JAG1: variants seen among roughly 807,000 people sequenced by gnomAD.
JAG1 encodes the protein jagged canonical Notch ligand 1.
JAG1 carries 23 observed loss-of-function variants against 148.7 expected under a neutral mutation model. The observed-to-expected ratio is 0.15, with a 90% confidence interval of 0.11 to 0.22. JAG1 has a LOEUF of 0.22. JAG1 is among the 10% of genes least tolerant of loss of function. The pLI is 1.00. For missense variants in JAG1, 1,054 were observed against 1,611.2 expected (o/e 0.65, Z 5.92); for synonymous variants, 572 against 598.3 (o/e 0.96, Z 0.64).
chr20:10,666,253 A>C (rs1380824079), intron 2 of JAG1, among the ~76,000 whole-genome samples: 1 of 152,184 alleles, frequency 6.6e-6, no homozygotes, highest in Non-Finnish European at 1.5e-5. Context: ...TCAGCAATCA[A>C]GATAATTTAA....
Position 10,645,817 on chromosome 20 carries a change from C to A in JAG1, c.1999+154G>T. On this transcript the variant is annotated intron_variant, in intron 15 of 25. Coordinates refer to ENST00000254958, the MANE Select transcript of JAG1 (RefSeq NM_000214.3). This position sits in a 1 kb window ranked among gnomAD's most constrained non-coding sequence, Gnocchi z 6.1. ...AAGCTATCATCAGGACTCATAAATG[C>A]AAATGAGACACAAGTGATACTGTCC... 1.4e-6 allele frequency: 1 copy of A among 708,424 alleles called. No homozygotes were observed. Among genetic ancestry groups the A allele is most frequent in the Non-Finnish European group, 2.6e-6 (1 of 391,452 alleles). 43.9% of individuals were successfully genotyped at this position (708,424 alleles called of 1,614,324 possible). A position where few individuals can be genotyped will look rare whatever the true frequency, so the allele number is the denominator to read the frequency against.
rs116310079 is a variant in JAG1, at chr20:10,642,207, G to A, written c.2572+281C>T. 0.011 allele frequency among the ~76,000 whole-genome samples: 1,697 copies of A among 152,214 alleles called. 41 individuals carry two copies. The highest frequency in any genetic ancestry group is 0.038 in the African/African-American group (1,579 of 41,540). On this transcript the variant is annotated intron_variant, in intron 21 of 25. Coordinates refer to ENST00000254958, the MANE Select transcript of JAG1 (RefSeq NM_000214.3). ...GGTCGAACTGAACCCAACCCACAGC[G>A]CAATCTCTCTGCCCATGCTGCATAT...
chr20:10,656,364 TAAAAG>T (rs1198358202), intron 5 of JAG1, 29 bp downstream of exon 5: 2 of 1,563,494 alleles, frequency 1.3e-6, no homozygotes, highest in African/African-American at 1.4e-5. Context: ...AAAGGAAAAT[TAAAAG>T]AAATCTCACA....
In JAG1 at chr20:10,651,514, C is replaced by T. The variant is rs926713758; in HGVS notation, c.1120+67G>A. 9 of 1,072,504 alleles carry T rather than the reference C, an allele frequency of 8.4e-6. No individual in the cohort carries two copies. In the African/African-American group the frequency reaches 1.4e-4, roughly 17 times the overall value. 66.4% of individuals were successfully genotyped at this position (1,072,504 alleles called of 1,614,324 possible). Reference sequence around the variant, plus strand: ...ATTCACACTGGACAAGCCTAGGTACCTCTCCCCAGCGTGGTATCTTGGCAC... The same window carrying T: ...ATTCACACTGGACAAGCCTAGGTACTTCTCCCCAGCGTGGTATCTTGGCAC... On this transcript the variant is annotated intron_variant, in intron 8 of 25. Transcript: ENST00000254958.
chr20:10,641,161 G>T lies in JAG1; in HGVS notation c.3000C>A (p.Ile1000=), dbSNP rs373759023. The change falls in exon 24 of 26, where the codon ATC becomes ATA. Residue 1000 remains isoleucine (I), a synonymous_variant. Transcript: ENST00000254958. ...KNVSAEYSIY[I]ACEPSPSANN... is the part of the protein sequence containing the mutation. ...TCGCTGAAGGGGAAGGCTCGCAAGC[G>T]ATGTAGATTGAATATTCAGCGGAAA... 6.2e-7 allele frequency: 1 copy of T among 1,613,986 alleles called. No homozygotes were observed. The highest frequency in any genetic ancestry group is 1.7e-5 in the Admixed American group (1 of 60,028).
rs117557835 is a variant in JAG1 at position 10,662,675 on chromosome 20, A to G, written c.439+1288T>C. Reference sequence around the variant, plus strand: ...ACGTTTGTGGCAGGGAGGGGAGAACAAACAGGTGTCTATGACCCTGACTGG... The same window carrying G: ...ACGTTTGTGGCAGGGAGGGGAGAACGAACAGGTGTCTATGACCCTGACTGG... On this transcript the variant is annotated intron_variant, in intron 3 of 25. Coordinates refer to ENST00000254958, the MANE Select transcript of JAG1 (RefSeq NM_000214.3). 9.0e-3 allele frequency among the ~76,000 whole-genome samples: 1,373 copies of G among 152,258 alleles called. 19 individuals carry two copies. Among genetic ancestry groups the G allele is most frequent in the Non-Finnish European group, 0.011 (726 of 68,016 alleles).
chr20:10,649,155 A>C (rs1316689833), intron 10 of JAG1, 48 bp from the exon 11 acceptor site: 1 of 1,259,804 alleles, frequency 7.9e-7, no homozygotes, highest in Non-Finnish European at 1.2e-6. Flanking sequence ...TTACAGTGAA[A>C]TTGGGCTTAA....
intron 21 of JAG1, among the ~76,000 whole-genome samples, chr20:10,642,219 C>T (rs2067277454): frequency 6.6e-6 from 1 of 152,164 alleles, no homozygotes; most frequent in Admixed American, 6.5e-5. Flanking sequence ...AATCTCTCTG[C>T]CCATGCTGCA....
chr20:10,665,467 G>A (rs1464765152), intron 2 of JAG1, among the ~76,000 whole-genome samples: 1 of 152,174 alleles, frequency 6.6e-6, no homozygotes, highest in East Asian at 1.9e-4. Context: ...CAAATTCATT[G>A]CTGTTGTTAC....
rs1461614891 is a variant in JAG1, at chr20:10,650,370, A to G, written c.1121-10T>C. On this transcript the variant is annotated splice_polypyrimidine_tract_variant and intron_variant, in intron 8 of 25. Coordinates refer to ENST00000254958, the MANE Select transcript of JAG1 (RefSeq NM_000214.3). ...GAACAGTCATCAATGTCTGGTCAAC[A>G]AGAAAAGGAGGGGGTTGACAATTTA... 1 of 1,490,522 alleles carries G rather than the reference A, an allele frequency of 6.7e-7. No individual in the cohort carries two copies. The highest frequency in any genetic ancestry group is 1.1e-5 in the South Asian group (1 of 88,152). The allele number at this position is 1,490,522 out of a possible 1,614,324, so 92.3% of individuals were successfully genotyped here. A position where few individuals can be genotyped will look rare whatever the true frequency, so the allele number is the denominator to read the frequency against.
At chr20:10,659,509 T>C (rs2067400452) in intron 3 of JAG1, among the ~76,000 whole-genome samples, 1 of 152,068 alleles carries the variant, frequency 6.6e-6, no homozygotes, top group Admixed American at 6.5e-5. Context: ...AGAAAAGCTT[T>C]TTGTCCATTT....
At chr20:10,670,061 C>T (rs1411511999) in intron 2 of JAG1, among the ~76,000 whole-genome samples, 6 of 152,110 alleles carry the variant, frequency 3.9e-5, no homozygotes, top group African/African-American at 4.8e-5. Flanking sequence ...GGGGACACCA[C>T]GTGGGACATA....
chr20:10,645,227 T>A lies in JAG1; in HGVS notation c.2143A>T (p.Asn715Tyr). ...TCATCATAGCAGGTGCCACCGTTGTTGCACGTGGCCTCATCACACTGACTG... is the reference window on the plus strand; with the variant it reads ...TCATCATAGCAGGTGCCACCGTTGTAGCACGTGGCCTCATCACACTGACTG... ...RDSQCDEATC[N>Y]NGGTCYDEGD... The change falls in exon 17 of 26, where the codon AAC (asparagine) becomes TAC (tyrosine). Residue 715 changes from asparagine (N) to tyrosine (Y), a missense_variant. By Grantham distance (143) the Asn-to-Tyr change is moderately radical (BLOSUM62 -2). Transcript: ENST00000254958. The surrounding 1 kb of genome is among the most constrained non-coding windows in gnomAD (Gnocchi z 6.1). 1 of 1,614,038 alleles carries A rather than the reference T, an allele frequency of 6.2e-7. No individual in the cohort carries two copies. The highest frequency in any genetic ancestry group is 8.5e-7 in the Non-Finnish European group (1 of 1,179,990).
chr20:10,645,529 G>T lies in JAG1; in HGVS notation c.2000-60C>A. 1 of 1,361,142 alleles carries T rather than the reference G, an allele frequency of 7.3e-7. No individual in the cohort carries two copies. The highest frequency in any genetic ancestry group is 1.4e-5 in the African/African-American group (1 of 70,216). 84.3% of individuals were successfully genotyped at this position (1,361,142 alleles called of 1,614,324 possible). Reference sequence around the variant, plus strand: ...AGATCCAGGACCATTCACGACAGGCGAGAGCCAAGCCTTTCCTACTGCTTA... The same window carrying T: ...AGATCCAGGACCATTCACGACAGGCTAGAGCCAAGCCTTTCCTACTGCTTA... On this transcript the variant is annotated intron_variant, in intron 15 of 25. Coordinates refer to ENST00000254958, the MANE Select transcript of JAG1 (RefSeq NM_000214.3). This position sits in a 1 kb window ranked among gnomAD's most constrained non-coding sequence, Gnocchi z 6.1.
intron 3 of JAG1, among the ~76,000 whole-genome samples, chr20:10,661,762 TG>T: frequency 6.6e-6 from 1 of 152,084 alleles, no homozygotes; most frequent in East Asian, 1.9e-4. Flanking sequence ...CAGATAAAGG[TG>T]GACCAGACGA....
At chr20:10,644,280 A>G (rs755034660) in intron 19 of JAG1, 77 bp downstream of exon 19, 1 of 666,816 alleles carries the variant, frequency 1.5e-6, no homozygotes, top group Non-Finnish European at 2.4e-6. Context: ...TGATTCTCAC[A>G]CACACACACA....
chr20:10,656,353 T>A lies in JAG1; in HGVS notation c.755+45A>T, dbSNP rs375081445. 11 of 1,477,930 alleles carry A rather than the reference T, an allele frequency of 7.4e-6. No individual in the cohort carries two copies. The African/African-American group carries it at 9.7e-5, about 13-fold the overall frequency. 91.6% of individuals were successfully genotyped at this position (1,477,930 alleles called of 1,614,324 possible). ...CAATAAAGTCAGTTCCTCTCTTACA[T>A]AAAGGAAAATTAAAAGAAATCTCAC... On this transcript the variant is annotated intron_variant, in intron 5 of 25. Transcript: ENST00000254958.
In JAG1 at chr20:10,642,508, C is replaced by T. The variant is rs1211288472; in HGVS notation, c.2552G>A (p.Ser851Asn). 8 of 1,609,526 alleles carry T rather than the reference C, an allele frequency of 5.0e-6. No homozygotes were observed. The highest frequency in any genetic ancestry group is 1.6e-4 in the Middle Eastern group (1 of 6,076). ...GYRCVCPPGH[S>N]GAKCQEVSGR... ...CATACCTTCCTGGCACTTGGCACCA[C>T]TGTGCCCTGGAGGGCAGACACACCG... Residue 851 changes from serine to asparagine, a missense_variant, in exon 21 of 26, where the codon AGT (serine) becomes AAT (asparagine). Physicochemically the swap from Ser to Asn is conservative, Grantham distance 46 (BLOSUM62 1). Transcript: ENST00000254958.
intron 2 of JAG1, among the ~76,000 whole-genome samples, chr20:10,672,453 T>C (rs188536722): frequency 1.3e-5 from 2 of 152,282 alleles, no homozygotes; most frequent in African/African-American, 4.8e-5. Flanking sequence ...CCTGGTCCCA[T>C]AAACCCTCTG....
Sources: gnomAD v4.1 joint callset for allele counts (sites outside exome capture counted in the v4.1 genomes callset) on GRCh38, gnomAD v4.1.1 for gene constraint, Gnocchi (gnomAD v3.1) non-coding constraint, MANE v1.5 for transcripts, NCBI Gene and HGNC (gene_info 2026-07-23, HGNC 2026-07-21) for gene names.